LONRF1: variants seen among roughly 807,000 people sequenced by gnomAD.
LONRF1 encodes the protein LON peptidase N-terminal domain and ring finger 1.
A neutral mutation model predicts 85.8 loss-of-function variants in LONRF1; 37 were observed. That is an observed-to-expected ratio of 0.43 (90% CI 0.33 to 0.57). The LOEUF is 0.57. Ranked by LOEUF, LONRF1 falls within the 20% of genes least tolerant of loss-of-function variation. The pLI is 0.04. For missense variants in LONRF1, 1,036 were observed against 978.0 expected (o/e 1.06, Z -0.79); for synonymous variants, 517 against 390.1 (o/e 1.33, Z -3.83).
At chr8:12,751,161 T>G (rs1219141724) in intron 1 of LONRF1, among the ~76,000 whole-genome samples, 3 of 152,132 alleles carry the variant, frequency 2.0e-5, no homozygotes, top group African/African-American at 7.2e-5. Context: ...TGCATGTCTA[T>G]CCATAGATGC....
intron 1 of LONRF1, among the ~76,000 whole-genome samples, chr8:12,746,926 T>G (rs570444427): frequency 2.0e-5 from 3 of 152,342 alleles, no homozygotes; most frequent in African/African-American, 7.2e-5. Context: ...GAACAGGGCT[T>G]GGTACATTGA....
In LONRF1 at chr8:12,755,514, G is replaced by T; in HGVS notation, c.-94C>A. 1.8e-6 allele frequency: 1 copy of T among 561,062 alleles called. No individual in the cohort carries two copies. Among genetic ancestry groups the T allele is most frequent in the Non-Finnish European group, 2.3e-6 (1 of 443,716 alleles). The allele number at this position is 561,062 out of a possible 1,614,324, so 34.8% of individuals were successfully genotyped here. ...GCACGCGGCCCGCGAGCAGGGGGGC[G>T]TGGCGCGCGGACACGGCGGGGCTGC... On this transcript the variant is annotated 5_prime_UTR_variant, in exon 1 of 12. Coordinates refer to ENST00000398246, the MANE Select transcript of LONRF1 (RefSeq NM_152271.5).
At chr8:12,751,299 T>TTG (rs1799384067) in intron 1 of LONRF1, among the ~76,000 whole-genome samples, 1 of 84,766 alleles carries the variant, frequency 1.2e-5, no homozygotes, top group South Asian at 5.1e-4. Flanking sequence ...TTTTTATGTT[T>TTG]TTTTTTTTTT....
At position 12,729,290 on chromosome 8, in the gene LONRF1, G is replaced by A. The variant is rs1405000276; in HGVS notation, c.1731C>T (p.Tyr577=). ...NVPIFVCTMA[Y]PTVPCPLHVF... is the part of the protein sequence containing the mutation. ...CATGGAGAGGGCAAGGCACAGTGGGGTAGGCCATAGTGCAAACAAATATTG... is the reference window on the plus strand; with the variant it reads ...CATGGAGAGGGCAAGGCACAGTGGGATAGGCCATAGTGCAAACAAATATTG... The change falls in exon 9 of 12, where the codon TAC becomes TAT. Residue 577 remains tyrosine (Y), a synonymous_variant. Coordinates refer to ENST00000398246, the MANE Select transcript of LONRF1 (RefSeq NM_152271.5). 5 of 1,613,920 alleles carry A rather than the reference G, an allele frequency of 3.1e-6. No individual in the cohort carries two copies. The East Asian group carries it at 8.9e-5, about 29-fold the overall frequency.
In LONRF1 at chr8:12,755,010, G is replaced by C. The variant is rs1799581200; in HGVS notation, c.411C>G (p.Pro137=). The C allele has an allele frequency of 1.3e-6, 2 of 1,492,982 alleles. No homozygotes were observed. The highest frequency in any genetic ancestry group is 1.5e-5 in the African/African-American group (1 of 68,812). 92.5% of individuals were successfully genotyped at this position (1,492,982 alleles called of 1,614,324 possible). Residue 137 remains proline (P), a synonymous_variant, in exon 1 of 12, where the codon CCC becomes CCG. Transcript: ENST00000398246. ...AGCGGCGGCAGTAGCTGTGGCCACA[G>C]GGCACGGTCACCGGCTCGCTCAGGA... ...RGFLSEPVTV[P]CGHSYCRRCL...
Position 12,723,120 on chromosome 8 carries a change from A to G in LONRF1, c.2298T>C (p.Tyr766=). The part of the protein sequence containing the change: ...RLTKIQHILT[Y]FSRDQSK The stretch of plus-strand genomic sequence containing the variant: ...GTTACTTAGATTGGTCTCTAGAAAA[A>G]TAGGTCAGTATATGCTGTATCTTGG... Residue 766 remains tyrosine, a synonymous_variant, in exon 12 of 12, where the codon TAT becomes TAC. Coordinates refer to ENST00000398246, the MANE Select transcript of LONRF1 (RefSeq NM_152271.5). The G allele has an allele frequency of 1.2e-6, 2 of 1,612,566 alleles. No individual in the cohort carries two copies. Among genetic ancestry groups the G allele is most frequent in the Non-Finnish European group, 1.7e-6 (2 of 1,179,542 alleles).
intron 10 of LONRF1, among the ~76,000 whole-genome samples, chr8:12,726,789 A>C (rs141529276): frequency 2.5e-4 from 38 of 152,320 alleles, no homozygotes; most frequent in African/African-American, 8.9e-4. Flanking sequence ...GGACTCTGAA[A>C]ACATTTCGAA....
At chr8:12,734,521 T>C (rs539581445) in intron 7 of LONRF1, among the ~76,000 whole-genome samples, 1 of 152,186 alleles carries the variant, frequency 6.6e-6, no homozygotes, top group Non-Finnish European at 1.5e-5. Context: ...TGACAGTAGG[T>C]GATCTGCAGT....
At chr8:12,735,871 T>C (rs910247213) in intron 6 of LONRF1, among the ~76,000 whole-genome samples, 4 of 152,214 alleles carry the variant, frequency 2.6e-5, no homozygotes, top group African/African-American at 9.6e-5. Context: ...AAGACCCTTA[T>C]GATATAAAAC....
At chr8:12,733,877 T>C (rs1798621720) in intron 7 of LONRF1, among the ~76,000 whole-genome samples, 1 of 152,186 alleles carries the variant, frequency 6.6e-6, no homozygotes, top group Non-Finnish European at 1.5e-5. Context: ...ACAAATTATA[T>C]TACGCAGGGT....
chr8:12,738,278 G>C, intron 3 of LONRF1, 134 bp from the exon 4 acceptor site: 2 of 581,332 alleles, frequency 3.4e-6, no homozygotes, highest in South Asian at 5.5e-5. Flanking sequence ...AGGGGAACAA[G>C]GTAAGCAACA....
rs1563160546 is a variant in LONRF1 at position 12,751,297 on chromosome 8, T to TTTTTTTTTTTTTTG, written c.721+3402_721+3403insCAAAAAAAAAAAAA. On this transcript the variant is annotated intron_variant, in intron 1 of 11. Coordinates refer to ENST00000398246, the MANE Select transcript of LONRF1 (RefSeq NM_152271.5). ...CAAGGATTATATTTTTATTTTTATG[T>TTTTTTTTTTTTTTG]TTTTTTTTTTTTTTTTTTTTTTTGA... Among the ~76,000 whole-genome samples, 15 of 51,168 alleles carry TTTTTTTTTTTTTTG rather than the reference T, an allele frequency of 2.9e-4. 3 individuals are homozygous for TTTTTTTTTTTTTTG. The highest frequency in any genetic ancestry group is 5.9e-4 in the Non-Finnish European group (13 of 21,964). 33.6% of individuals were successfully genotyped at this position (51,168 alleles called of 152,430 possible). A position where few individuals can be genotyped will look rare whatever the true frequency, so the allele number is the denominator to read the frequency against.
Position 12,728,973 on chromosome 8 carries a change from C to A in LONRF1, c.1938G>T (p.Arg646=), listed in dbSNP as rs1234170093. The change falls in exon 10 of 12, where the codon CGG becomes CGT. Residue 646 remains arginine (R), a synonymous_variant. Transcript: ENST00000398246. The part of the protein sequence containing the change: ...RSVVDTVGGK[R]FRVLKRGMKD... ...TCATTCCTCTTTTTAAAACCCTAAA[C>A]CGCTTTCCTCCAACTGTATCAACCA... The A allele has an allele frequency of 1.2e-6, 2 of 1,613,916 alleles. No individual in the cohort carries two copies. The highest frequency in any genetic ancestry group is 2.7e-5 in the African/African-American group (2 of 74,918).
chr8:12,744,273 C>A (rs1195233791), intron 1 of LONRF1, among the ~76,000 whole-genome samples: 1 of 152,016 alleles, frequency 6.6e-6, no homozygotes, highest in Admixed American at 6.6e-5. Flanking sequence ...CTCACTTGAG[C>A]AATTAATTTA....
At chr8:12,735,502 A>T in intron 6 of LONRF1, 102 bp from the exon 7 acceptor site, 1 of 742,370 alleles carries the variant, frequency 1.3e-6, no homozygotes, top group Non-Finnish European at 2.3e-6. Context: ...TAAAGGAGGA[A>T]GAAGGAGGGC....
In LONRF1 at chr8:12,727,219, G is replaced by A. The variant is rs1798346334; in HGVS notation, c.2011-1340C>T. 9 of 146,182 alleles carry A rather than the reference G, an allele frequency of 6.2e-5. No homozygotes were observed. In the South Asian group the frequency reaches 2.0e-3, roughly 32 times the overall value. 9.1% of individuals were successfully genotyped at this position (146,182 alleles called of 1,614,324 possible). A position where few individuals can be genotyped will look rare whatever the true frequency, so the allele number is the denominator to read the frequency against. On this transcript the variant is annotated intron_variant, in intron 10 of 11. Transcript: ENST00000398246. ...AAACAAGGAATGATAACAATTATAAGCGTCAGTGATGAAAAACGGAGCTGG... is the reference window on the plus strand; with the variant it reads ...AAACAAGGAATGATAACAATTATAAACGTCAGTGATGAAAAACGGAGCTGG...
chr8:12,747,904 T>A (rs1299105374), intron 1 of LONRF1, among the ~76,000 whole-genome samples: 1 of 152,196 alleles, frequency 6.6e-6, no homozygotes, highest in Non-Finnish European at 1.5e-5. Flanking sequence ...ACAAACGGCC[T>A]CCCATACATT....
chr8:12,725,891 A>G lies in LONRF1; in HGVS notation c.2011-12T>C, dbSNP rs765056800. 1 of 1,601,834 alleles carries G rather than the reference A, an allele frequency of 6.2e-7. No individual in the cohort carries two copies. Among genetic ancestry groups the G allele is most frequent in the Non-Finnish European group, 8.5e-7 (1 of 1,173,290 alleles). ...TCTTCATTCTCAACCTAGAAATACA[A>G]TAGTCAGTAAGACTTCTGTGTCTAA... is the stretch of plus-strand genomic sequence containing the variant. On this transcript the variant is annotated splice_polypyrimidine_tract_variant and intron_variant, in intron 10 of 11. Transcript: ENST00000398246.
At chr8:12,725,702 T>C in intron 11 of LONRF1, 25 bp downstream of exon 11, 1 of 1,591,164 alleles carries the variant, frequency 6.3e-7, no homozygotes, top group East Asian at 2.3e-5. Flanking sequence ...AAGTGACTTT[T>C]GGAAGAACAG....
Sources: gnomAD v4.1 joint callset for allele counts (sites outside exome capture counted in the v4.1 genomes callset) on GRCh38, gnomAD v4.1.1 for gene constraint, MANE v1.5 for transcripts, NCBI Gene and HGNC (gene_info 2026-07-23, HGNC 2026-07-21) for gene names.